Variants in C11orf65 observed in about 807,000 individuals in gnomAD.
The protein encoded by C11orf65 is chromosome 11 open reading frame 65, also known as protein MFI.
C11orf65 carries 38 observed loss-of-function variants against 35.3 expected under a neutral mutation model. That is an observed-to-expected ratio of 1.08 (90% confidence interval 0.83 to 1.41). C11orf65 has a LOEUF of 1.41. Ranked by LOEUF, C11orf65 falls within the 40% of genes most tolerant of loss-of-function variation. C11orf65 has a pLI of 0.00. For missense variants in C11orf65, 370 were observed against 367.1 expected (o/e 1.01, Z -0.06); for synonymous variants, 105 against 114.4 (o/e 0.92, Z 0.53).
intron 2 of C11orf65, chr11:108,335,765 C>CCTTTGCTATTCT: frequency 9.1e-7 from 1 of 1,102,034 alleles, no homozygotes; most frequent in East Asian, 2.5e-5. Flanking sequence ...GTTTGAGTGC[C>CCTTTGCTATTCT]CTTTGCTATT....
At chr11:108,364,538 A>G (rs12278964) in intron 2 of C11orf65, among the ~76,000 whole-genome samples, 7,362 of 152,260 alleles carry the variant, frequency 0.048, 609 homozygotes, top group African/African-American at 0.17. Flanking sequence ...TCAACAAATT[A>G]TACCTTTCTG....
intron 2 of C11orf65, chr11:108,345,656 ATC>A: frequency 8.9e-7 from 1 of 1,123,014 alleles, no homozygotes; most frequent in South Asian, 1.7e-5. Flanking sequence ...TTGCCCCTAT[ATC>A]TGTCATATTT....
intron 2 of C11orf65, among the ~76,000 whole-genome samples, chr11:108,352,752 T>G (rs1311167313): frequency 1.3e-5 from 2 of 152,222 alleles, no homozygotes; most frequent in Non-Finnish European, 2.9e-5. Context: ...ACTATTGATA[T>G]ACATAACAAT....
At chr11:108,346,031 T>C in intron 2 of C11orf65, 1 of 1,061,972 alleles carries the variant, frequency 9.4e-7, no homozygotes, top group Admixed American at 1.9e-5. Flanking sequence ...ATGTGGTTAG[T>C]AACCAACCCA....
intron 6 of C11orf65, among the ~76,000 whole-genome samples, chr11:108,320,882 A>G (rs1444080626): frequency 3.3e-5 from 5 of 152,252 alleles, no homozygotes; most frequent in East Asian, 1.9e-4. Context: ...CATATTTTGT[A>G]TAAGTATTAT....
rs926927490 is a variant in C11orf65 at position 108,458,975 on chromosome 11, C to A, written c.81+2504G>T. On this transcript the variant is annotated intron_variant, in intron 2 of 8. Transcript: ENST00000393084. ...AAGTCTGTGTCAGTTTTTCTAGGCG[C>A]TAGTACGAGTATCTTTTGTTAGTAT... Among the ~76,000 whole-genome samples the A allele has an allele frequency of 4.1e-4, 63 of 152,168 alleles. 1 individual carries two copies. Among genetic ancestry groups the A allele is most frequent in the Admixed American group, 1.6e-3 (24 of 15,278 alleles).
intron 3 of C11orf65, among the ~76,000 whole-genome samples, chr11:108,420,838 C>T (rs2092805401): frequency 6.6e-6 from 1 of 152,072 alleles, no homozygotes; most frequent in Non-Finnish European, 1.5e-5. Context: ...TGGTGTCAAA[C>T]TCCTGAGCTC....
intron 2 of C11orf65, among the ~76,000 whole-genome samples, chr11:108,438,591 C>T (rs1433667188): frequency 2.0e-5 from 3 of 151,524 alleles, no homozygotes; most frequent in Non-Finnish European, 4.4e-5. Flanking sequence ...AGAGTTAAAG[C>T]CATAAAACTC....
chr11:108,442,686 A>G (rs2093176250), intron 2 of C11orf65, among the ~76,000 whole-genome samples: 3 of 152,352 alleles, frequency 2.0e-5, no homozygotes, highest in East Asian at 3.9e-4. Context: ...TTCTTAAAGA[A>G]AAGAATTTTC....
intron 3 of C11orf65, among the ~76,000 whole-genome samples, chr11:108,413,507 T>C (rs1392102678): frequency 1.3e-5 from 2 of 152,228 alleles, no homozygotes; most frequent in South Asian, 2.1e-4. Context: ...CCCATTTGAA[T>C]GCCTTTTATT....
At chr11:108,317,708 A>ATG (rs1242444683) in intron 6 of C11orf65, among the ~76,000 whole-genome samples, 1 of 142,376 alleles carries the variant, frequency 7.0e-6, no homozygotes, top group African/African-American at 2.6e-5. Context: ...TATAGTGTGT[A>ATG]TGTGTGTATA....
At chr11:108,328,955 T>G, downstream of C11orf65, 1 of 1,464,474 alleles carries the variant, frequency 6.8e-7, no homozygotes, top group South Asian at 1.2e-5. Context: ...TACCTTAATT[T>G]GAGTGATTCT....
intron 2 of C11orf65, among the ~76,000 whole-genome samples, chr11:108,446,043 T>A (rs1203241517): frequency 1.3e-5 from 2 of 151,670 alleles, no homozygotes; most frequent in African/African-American, 2.4e-5. Flanking sequence ...ATGAAATGAA[T>A]GAAATGAATG....
chr11:108,411,395 T>C (rs1407461565), intron 3 of C11orf65, among the ~76,000 whole-genome samples: 1 of 152,236 alleles, frequency 6.6e-6, no homozygotes, highest in Non-Finnish European at 1.5e-5. Flanking sequence ...ATGTGATCTA[T>C]TACGGGAAAC....
chr11:108,393,955 G>A (rs1296520808), intron 6 of C11orf65, among the ~76,000 whole-genome samples: 1 of 152,154 alleles, frequency 6.6e-6, no homozygotes, highest in Non-Finnish European at 1.5e-5. Flanking sequence ...GCCAACATGG[G>A]TGGATCACGA....
downstream of C11orf65, chr11:108,330,233 C>G (rs121434220): frequency 1.2e-6 from 2 of 1,614,054 alleles, no homozygotes; most frequent in Non-Finnish European, 1.7e-6. Flanking sequence ...AAAGGTTCAG[C>G]GAGAGCTGGA....
chr11:108,309,209 AC>A, intron 6 of C11orf65: 4 of 532,590 alleles, frequency 7.5e-6, no homozygotes, highest in Admixed American at 3.1e-5. Context: ...AACAACAACA[AC>A]AAAAAAATTG....
intron 2 of C11orf65, among the ~76,000 whole-genome samples, chr11:108,353,018 A>C (rs2089399441): frequency 6.6e-6 from 1 of 152,204 alleles, no homozygotes; most frequent in South Asian, 2.1e-4. Flanking sequence ...TCTTGACTGC[A>C]TCGATGTCAG....
rs376757451 is a variant in C11orf65, at chr11:108,315,965, A to G, written c.641-6894T>C. ...TAGTAATTCTGTTTATGAAGGAGTT[A>G]TGTGTGTGTAAAACCCAAAGCTATT... On this transcript the variant is annotated intron_variant, in intron 6 of 6. Transcript: ENST00000525729. The G allele has an allele frequency of 1.1e-5, 18 of 1,607,600 alleles. No individual in the cohort carries two copies. The African/African-American group carries it at 2.3e-4, about 20-fold the overall frequency.
Sources: allele counts gnomAD v4.1 joint callset (sites outside exome capture counted in the v4.1 genomes callset), GRCh38; gene constraint gnomAD v4.1.1; transcripts MANE v1.5; gene names NCBI Gene and HGNC (gene_info 2026-07-23, HGNC 2026-07-21).